MECOM: variants seen among roughly 807,000 people sequenced by gnomAD.
The protein encoded by MECOM is histone-lysine N-methyltransferase MECOM.
A neutral mutation model predicts 116.3 loss-of-function variants in MECOM; 13 were observed. The ratio of observed to expected loss-of-function variants is 0.11; its 90% CI spans 0.07 to 0.18. The LOEUF (loss-of-function observed/expected upper bound fraction) is 0.18. Among genes scored for constraint, MECOM ranks in the 10% least tolerant of loss-of-function variants. The probability of loss-of-function intolerance (pLI) is 1.00; values close to 1 mark genes in which losing one functional copy is unlikely to be tolerated. For synonymous variants in MECOM, 528 were observed against 535.2 expected (o/e 0.99, Z 0.19); for missense variants, 1,299 against 1,509.0 (o/e 0.86, Z 2.31).
At chr3:169,383,467 T>G (rs1303506020) in intron 1 of MECOM, among the ~76,000 whole-genome samples, 1 of 152,222 alleles carries the variant, frequency 6.6e-6, no homozygotes, top group African/African-American at 2.4e-5. Flanking sequence ...TAAAATAACA[T>G]AGCCATTTTC....
At chr3:169,432,020 G>T (rs887424703) in intron 1 of MECOM, among the ~76,000 whole-genome samples, 2 of 150,872 alleles carry the variant, frequency 1.3e-5, no homozygotes, top group African/African-American at 4.9e-5. Flanking sequence ...TTCACATTGT[G>T]TTAGCCAAAC....
At chr3:169,144,926 A>C in intron 2 of MECOM, 1 of 1,174,902 alleles carries the variant, frequency 8.5e-7, no homozygotes. Context: ...ACTCTTGAGT[A>C]CTGAGACCAA....
At chr3:169,245,066 G>T (rs979887155) in intron 2 of MECOM, among the ~76,000 whole-genome samples, 1 of 152,192 alleles carries the variant, frequency 6.6e-6, no homozygotes, top group South Asian at 2.1e-4. Context: ...AACAATAAAA[G>T]AATCATATGA....
intron 1 of MECOM, chr3:169,483,838 A>T (rs779083732): frequency 6.2e-7 from 1 of 1,611,606 alleles, no homozygotes; most frequent in African/African-American, 1.3e-5. Context: ...GGCACCTCGG[A>T]TGTCACGGTG....
chr3:169,175,771 G>A (rs1262798156), intron 2 of MECOM, among the ~76,000 whole-genome samples: 3 of 152,120 alleles, frequency 2.0e-5, no homozygotes, highest in African/African-American at 7.2e-5. Flanking sequence ...TATTTAAGAT[G>A]GGTAGGTACT....
At chr3:169,607,278 G>A (rs1768710133) in intron 1 of MECOM, among the ~76,000 whole-genome samples, 1 of 152,136 alleles carries the variant, frequency 6.6e-6, no homozygotes, top group Non-Finnish European at 1.5e-5. Context: ...TGTGCCTAAT[G>A]AGTCTTACTC....
intron 2 of MECOM, among the ~76,000 whole-genome samples, chr3:169,151,430 C>A (rs529507952): frequency 1.3e-5 from 2 of 152,334 alleles, no homozygotes; most frequent in South Asian, 4.1e-4. Context: ...TCCCTTAATT[C>A]TGCAGCTTTG....
chr3:169,241,537 T>C (rs2149551120), intron 2 of MECOM, among the ~76,000 whole-genome samples: 1 of 152,340 alleles, frequency 6.6e-6, no homozygotes, highest in Non-Finnish European at 1.5e-5. Context: ...AAACATTCCT[T>C]CACACATTAG....
intron 1 of MECOM, among the ~76,000 whole-genome samples, chr3:169,599,100 G>A (rs937220709): frequency 2.6e-5 from 4 of 152,126 alleles, no homozygotes; most frequent in Admixed American, 6.5e-5. Flanking sequence ...TTGATAAAAC[G>A]TTAAACCTCA....
rs1727853840 is a variant in MECOM at position 169,112,775 on chromosome 3, C to T, written c.2577+12G>A. ...GTTTACAAGCTGGAAATCTCAAATC[C>T]AAAATACTTACTTGTGGGTGAAACA... On this transcript the variant is annotated intron_variant, in intron 9 of 16. Transcript: ENST00000651503. 3 of 1,604,726 alleles carry T rather than the reference C, an allele frequency of 1.9e-6. No homozygotes were observed. Among genetic ancestry groups the T allele is most frequent in the Non-Finnish European group, 1.7e-6 (2 of 1,173,882 alleles).
chr3:169,452,615 A>G (rs1745794491), intron 1 of MECOM, among the ~76,000 whole-genome samples: 1 of 152,188 alleles, frequency 6.6e-6, no homozygotes, highest in Non-Finnish European at 1.5e-5. Context: ...GCTTTCTAGT[A>G]GCTCACAGTT....
intron 1 of MECOM, among the ~76,000 whole-genome samples, chr3:169,577,357 G>A (rs924164583): frequency 3.3e-5 from 5 of 152,162 alleles, no homozygotes; most frequent in African/African-American, 1.2e-4. Flanking sequence ...TGTGCTGCAA[G>A]CTGCTTTATA....
At chr3:169,568,194 A>G (rs1249852011) in intron 1 of MECOM, among the ~76,000 whole-genome samples, 1 of 152,148 alleles carries the variant, frequency 6.6e-6, no homozygotes, top group Non-Finnish European at 1.5e-5. Context: ...TGGCCCAGAT[A>G]CTATGCTTTT....
chr3:169,491,959 A>G (rs1021441352), intron 1 of MECOM, among the ~76,000 whole-genome samples: 1 of 152,198 alleles, frequency 6.6e-6, no homozygotes, highest in African/African-American at 2.4e-5. Flanking sequence ...GTTTAACTCA[A>G]TAAAACAGGC....
At chr3:169,627,493 A>G (rs1771528824) in intron 1 of MECOM, among the ~76,000 whole-genome samples, 1 of 152,368 alleles carries the variant, frequency 6.6e-6, no homozygotes, top group East Asian at 1.9e-4. Context: ...CTTACATTGA[A>G]TTACATATAT....
chr3:169,433,240 G>C (rs758161550), intron 1 of MECOM, among the ~76,000 whole-genome samples: 2 of 152,264 alleles, frequency 1.3e-5, no homozygotes, highest in South Asian at 4.1e-4. Flanking sequence ...AGGCCAAGGC[G>C]GGTGGATCAC....
chr3:169,644,553 G>A (rs1422914983), intron 1 of MECOM, among the ~76,000 whole-genome samples: 3 of 151,986 alleles, frequency 2.0e-5, no homozygotes, highest in South Asian at 2.1e-4. Flanking sequence ...CACCACACCC[G>A]GCCCCTACCA....
At chr3:169,121,964 A>G (rs1731187128) in intron 6 of MECOM, among the ~76,000 whole-genome samples, 1 of 152,178 alleles carries the variant, frequency 6.6e-6, no homozygotes, top group African/African-American at 2.4e-5. Flanking sequence ...TAATGACACC[A>G]GGACATCTTT....
At chr3:169,433,655 A>AAG (rs1183630061) in intron 1 of MECOM, among the ~76,000 whole-genome samples, 1 of 132,796 alleles carries the variant, frequency 7.5e-6, no homozygotes, top group Non-Finnish European at 1.5e-5. Context: ...GAAAGAAAGA[A>AAG]AGAAAGAAAG....
Sources: allele counts gnomAD v4.1 joint callset (sites outside exome capture counted in the v4.1 genomes callset), GRCh38; gene constraint gnomAD v4.1.1; transcripts MANE v1.5; gene names NCBI Gene and HGNC (gene_info 2026-07-23, HGNC 2026-07-21).